NRK: variants seen among roughly 807,000 people sequenced by gnomAD.
The protein encoded by NRK is nik-related protein kinase.
Under a neutral mutation model 125.2 loss-of-function variants are expected in NRK, and 67 were observed. That is an observed-to-expected ratio of 0.54 (90% CI 0.44 to 0.66). The LOEUF (loss-of-function observed/expected upper bound fraction) is 0.66, where lower values mean the gene tolerates loss of function less well. Among genes scored for constraint, NRK ranks in the 30% least tolerant of loss-of-function variants. The probability of loss-of-function intolerance (pLI) is 0.00; values close to 1 mark genes in which losing one functional copy is unlikely to be tolerated. For missense variants in NRK, 1,224 were observed against 1,192.9 expected, an observed-to-expected ratio of 1.03 and a Z score of -0.38; for synonymous variants, 458 against 429.0, an observed-to-expected ratio of 1.07 and a Z score of -0.84.
rs1317977439 is a variant in NRK at position 105,908,823 on chromosome X, G to A, written c.1182G>A (p.Trp394Ter). The change falls in exon 13 of 29, where the codon TGG (tryptophan) becomes TGA (stop). Residue 394 changes from tryptophan (W) to a stop codon, truncating the protein, a stop_gained. Transcript: ENST00000243300. LOFTEE classifies it high-confidence loss of function. The stretch of plus-strand genomic sequence containing the variant: ...ATGGGGAACCCTCTCAGCCAAGGTG[G>A]CTACCTGATCGAGAAGAGCCACAGG... ...VLHGEPSQPR[W>*]LPDREEPQVQ... The A allele has an allele frequency of 8.3e-7, 1 of 1,210,863 alleles. No individual in the cohort carries two copies. The highest frequency in any genetic ancestry group is 1.1e-6 in the Non-Finnish European group (1 of 894,825).
intron 2 of NRK, among the ~76,000 whole-genome samples, chrX:105,851,588 G>T (rs949910604): frequency 8.9e-6 from 1 of 111,917 alleles, no homozygotes; most frequent in Admixed American, 9.5e-5. Context: ...ATAAGAGTGG[G>T]TCTCACCTTA....
chrX:105,899,277 A>G lies in NRK; in HGVS notation c.711+563A>G, dbSNP rs568181980. Among the ~76,000 whole-genome samples the G allele has an allele frequency of 7.7e-4, 86 of 112,217 alleles. No individual in the cohort carries two copies. The South Asian group carries it at 0.03, about 39-fold the overall frequency. On this transcript the variant is annotated intron_variant, in intron 8 of 28. Transcript: ENST00000243300. ...CAATTTGAACAATATACATATATCC[A>G]TGTACACATTTCAAAAGGTTGATGT...
At chrX:105,898,864 A>G (rs2040120059) in intron 8 of NRK, 150 bp downstream of exon 8, 4 of 429,204 alleles carry the variant, frequency 9.3e-6, no homozygotes, top group African/African-American at 2.5e-5. Context: ...CTATTTCGGT[A>G]AGTGGTTTGA....
At chrX:105,898,054 C>T (rs1486820842) in intron 7 of NRK, among the ~76,000 whole-genome samples, 1 of 111,895 alleles carries the variant, frequency 8.9e-6, no homozygotes, top group Admixed American at 9.5e-5. Context: ...ATAATCTAAG[C>T]TAAGATGTAG....
intron 1 of NRK, among the ~76,000 whole-genome samples, chrX:105,828,935 C>T (rs774364190): frequency 7.4e-4 from 83 of 111,797 alleles, no homozygotes; most frequent in Non-Finnish European, 1.3e-3. Flanking sequence ...GTATTGTGAT[C>T]TTAACTTTGA....
chrX:105,943,837 T>A, intron 23 of NRK, 104 bp from the exon 24 acceptor site: 1 of 463,305 alleles, frequency 2.2e-6, no homozygotes, highest in Non-Finnish European at 3.7e-6. Context: ...ATATACTGTC[T>A]GTGCTCTTAA....
intron 1 of NRK, among the ~76,000 whole-genome samples, chrX:105,826,376 ATTATCATATATATAATATATATATAAT>A (rs2039111176): frequency 1.3e-5 from 1 of 78,517 alleles, no homozygotes; most frequent in Non-Finnish European, 2.2e-5. Flanking sequence ...TATTATATAT[ATTATCATATATATAATATATATATAAT>A]ATATATATAT....
intron 4 of NRK, among the ~76,000 whole-genome samples, chrX:105,886,803 T>A (rs1315147350): frequency 6.4e-5 from 7 of 109,821 alleles, no homozygotes; most frequent in Admixed American, 9.9e-5. Context: ...ATAATAAAAA[T>A]TTTTAAAAGA....
intron 2 of NRK, among the ~76,000 whole-genome samples, chrX:105,832,710 G>A (rs1280853115): frequency 1.8e-5 from 2 of 111,072 alleles, no homozygotes; most frequent in Non-Finnish European, 3.8e-5. Flanking sequence ...AAAGGAGTAT[G>A]CTTTTTAAAC....
chrX:105,867,039 A>G (rs866608041), intron 2 of NRK, among the ~76,000 whole-genome samples: 1 of 111,235 alleles, frequency 9.0e-6, no homozygotes, highest in Middle Eastern at 4.6e-3. Context: ...ACCTTGGTAT[A>G]GTCTTGATGA....
At chrX:105,915,891 C>T in intron 15 of NRK, 94 bp downstream of exon 15, 1 of 472,587 alleles carries the variant, frequency 2.1e-6, no homozygotes, top group East Asian at 3.9e-5. Context: ...GTGAAGTCAA[C>T]TAAAATATCC....
chrX:105,940,122 A>C, intron 23 of NRK, 90 bp downstream of exon 23: 2 of 704,144 alleles, frequency 2.8e-6, no homozygotes, highest in Non-Finnish European at 4.2e-6. Context: ...AAAGCAGAGA[A>C]AGGAAACAAT....
At chrX:105,857,864 C>T (rs1032328715) in intron 2 of NRK, among the ~76,000 whole-genome samples, 7 of 110,919 alleles carry the variant, frequency 6.3e-5, no homozygotes, top group Non-Finnish European at 1.1e-4. Flanking sequence ...ATCTTCCTTC[C>T]CACTTTTTTC....
intron 16 of NRK, among the ~76,000 whole-genome samples, chrX:105,920,489 T>C (rs1313663315): frequency 7.5e-5 from 8 of 106,682 alleles, no homozygotes; most frequent in Admixed American, 7.1e-4. Flanking sequence ...TTGGGCAGTA[T>C]GGCCATTTTC....
intron 4 of NRK, among the ~76,000 whole-genome samples, chrX:105,883,405 A>G (rs1307515939): frequency 1.8e-5 from 2 of 112,255 alleles, no homozygotes; most frequent in Non-Finnish European, 3.8e-5. Context: ...CCTTTAGGAT[A>G]AAAAGTATGT....
chrX:105,859,571 A>T lies in NRK; in HGVS notation c.124-20628A>T, dbSNP rs1310446794. 4.5e-5 allele frequency among the ~76,000 whole-genome samples: 5 copies of T among 112,103 alleles called. No homozygotes were observed. In the South Asian group the frequency reaches 1.8e-3, roughly 41 times the overall value. The stretch of plus-strand genomic sequence containing the variant: ...GTGTTTAACATAATATGCTGCTTGA[A>T]CCTAGAAATCAGCAGCAGCTGAGAA... On this transcript the variant is annotated intron_variant, in intron 2 of 28. Transcript: ENST00000243300.
In NRK at chrX:105,842,259, C is replaced by T. The variant is rs185529404; in HGVS notation, c.123+11140C>T. Among the ~76,000 whole-genome samples the T allele has an allele frequency of 4.4e-4, 49 of 110,804 alleles. No individual in the cohort carries two copies. The East Asian group carries it at 0.011, about 25-fold the overall frequency. ...CTAGTCTTAGGGTCTTTTTCTGGAACGTAATAGATTTCAGAAATGGATGTG... is the reference window on the plus strand; with the variant it reads ...CTAGTCTTAGGGTCTTTTTCTGGAATGTAATAGATTTCAGAAATGGATGTG... On this transcript the variant is annotated intron_variant, in intron 2 of 28. Coordinates refer to ENST00000243300, the MANE Select transcript of NRK (RefSeq NM_198465.4).
At chrX:105,911,973 C>G (rs970214712) in intron 13 of NRK, among the ~76,000 whole-genome samples, 1 of 110,376 alleles carries the variant, frequency 9.1e-6, no homozygotes. Context: ...TATATGTGGT[C>G]GTTGAAGAAA....
chrX:105,876,827 G>A (rs2039822180), intron 2 of NRK, among the ~76,000 whole-genome samples: 1 of 111,232 alleles, frequency 9.0e-6, no homozygotes, highest in Non-Finnish European at 1.9e-5. Context: ...AGCTAAGATC[G>A]CAAAACAGCT....
Sources: allele counts gnomAD v4.1 joint callset (sites outside exome capture counted in the v4.1 genomes callset), GRCh38; gene constraint gnomAD v4.1.1; transcripts MANE v1.5; gene names NCBI Gene and HGNC (gene_info 2026-07-23, HGNC 2026-07-21).